Variants in CACNA1D observed in about 807,000 individuals in gnomAD.
The protein encoded by CACNA1D is voltage-dependent L-type calcium channel subunit alpha-1D.
Under a neutral mutation model 257.1 loss-of-function variants are expected in CACNA1D, and 55 were observed. The ratio of observed to expected loss-of-function variants is 0.21; its 90% CI spans 0.17 to 0.27. The LOEUF is 0.27. Ranked by LOEUF, CACNA1D falls within the 10% of genes least tolerant of loss-of-function variation. The pLI, the probability that CACNA1D is intolerant of heterozygous loss-of-function variation, is 1.00. For synonymous variants in CACNA1D, 980 were observed against 1,014.9 expected, an observed-to-expected ratio of 0.97 and a Z score of 0.65; for missense variants, 1,876 against 2,784.0, an observed-to-expected ratio of 0.67 and a Z score of 7.34.
chr3:53,760,442 A>G (rs1576585449), intron 29 of CACNA1D, among the ~76,000 whole-genome samples: 2 of 152,362 alleles, frequency 1.3e-5, no homozygotes, highest in East Asian at 3.9e-4. Flanking sequence ...CGTTGTAAAC[A>G]GGCTGGGCCC....
rs78555784 is a variant in CACNA1D, at chr3:53,681,427, T to C, written c.1220+8301T>C. Among the ~76,000 whole-genome samples the C allele has an allele frequency of 4.4e-3, 677 of 152,286 alleles. 41 individuals carry two copies. In the East Asian group the frequency reaches 0.12, roughly 26 times the overall value. Reference sequence around the variant, plus strand: ...AGAAGCAGAAAATCCTGCTGGATCCTTTTTTCTCCCTCTCTCTTAACTTCC... The same window carrying C: ...AGAAGCAGAAAATCCTGCTGGATCCCTTTTTCTCCCTCTCTCTTAACTTCC... On this transcript the variant is annotated intron_variant, in intron 8 of 47. Transcript: ENST00000350061.
intron 10 of CACNA1D, 22 bp downstream of exon 10, chr3:53,718,410 CCT>C: frequency 6.3e-7 from 1 of 1,598,300 alleles, no homozygotes; most frequent in Non-Finnish European, 8.6e-7. Context: ...GAGCACTTGC[CCT>C]CTTTCCCCTC....
intron 3 of CACNA1D, among the ~76,000 whole-genome samples, chr3:53,519,991 A>T (rs533635213): frequency 1.3e-5 from 2 of 152,116 alleles, no homozygotes; most frequent in African/African-American, 2.4e-5. Context: ...ATTCCTTTTT[A>T]TGGTAGAATA....
At chr3:53,745,949 A>T in intron 25 of CACNA1D, 74 bp downstream of exon 25, 1 of 1,194,466 alleles carries the variant, frequency 8.4e-7, no homozygotes, top group Middle Eastern at 1.9e-4. Context: ...ACATGTTGGC[A>T]CGTCAGAAGT....
At chr3:53,765,707 T>C (rs1171242430) in intron 30 of CACNA1D, 1 of 152,586 alleles carries the variant, frequency 6.6e-6, no homozygotes, top group Non-Finnish European at 1.5e-5. Context: ...ATGAATGATC[T>C]GGCTGAGAAA....
chr3:53,558,108 A>G (rs2107620621), intron 3 of CACNA1D, among the ~76,000 whole-genome samples: 1 of 152,352 alleles, frequency 6.6e-6, no homozygotes, highest in Non-Finnish European at 1.5e-5. Context: ...CGTTCTTCAT[A>G]TAAATCCCAC....
intron 3 of CACNA1D, among the ~76,000 whole-genome samples, chr3:53,513,994 A>G (rs2091225181): frequency 6.6e-6 from 1 of 152,198 alleles, no homozygotes; most frequent in Non-Finnish European, 1.5e-5. Context: ...TCACACAGTG[A>G]TGAAATTGCC....
At chr3:53,520,720 C>T (rs1431417244) in intron 3 of CACNA1D, among the ~76,000 whole-genome samples, 2 of 151,748 alleles carry the variant, frequency 1.3e-5, no homozygotes, top group African/African-American at 4.8e-5. Context: ...GAGCCTAGAT[C>T]ATGCCACTGC....
rs2095555692 is a variant in CACNA1D at position 53,805,135 on chromosome 3, C to T, written c.5738C>T (p.Pro1913Leu). 1 of 1,613,708 alleles carries T rather than the reference C, an allele frequency of 6.2e-7. No individual in the cohort carries two copies. The highest frequency in any genetic ancestry group is 1.3e-5 in the African/African-American group (1 of 74,910). The change falls in exon 45 of 48, where the codon CCC becomes CTC. Residue 1913 changes from proline to leucine, a missense_variant. Physicochemically the swap from Pro to Leu is moderately conservative, Grantham distance 98 (BLOSUM62 -3). Around this residue, in one of 10 missense-constraint regions of CACNA1D, gnomAD observed 491 missense variants for 554.3 expected, o/e 0.89. Transcript: ENST00000350061. ...RRSPRRRLLPPTPASHRRSSF... is the reference protein window; with the variant it reads ...RRSPRRRLLPLTPASHRRSSF... ...TCTCCAAGGAGACGCCTACTACCTCCCACCCCAGCATGTGAGGCCAGATTT... is the reference window on the plus strand; with the variant it reads ...TCTCCAAGGAGACGCCTACTACCTCTCACCCCAGCATGTGAGGCCAGATTT...
intron 7 of CACNA1D, among the ~76,000 whole-genome samples, chr3:53,670,091 T>C (rs1308556374): frequency 6.6e-6 from 1 of 152,222 alleles, no homozygotes; most frequent in Admixed American, 6.5e-5. Context: ...CTTTTCTCAG[T>C]GCACACTCCT....
chr3:53,772,868 G>C lies in CACNA1D; in HGVS notation c.4080G>C (p.Leu1360=). 6.2e-7 allele frequency: 1 copy of C among 1,613,944 alleles called. No individual in the cohort carries two copies. Among genetic ancestry groups the C allele is most frequent in the African/African-American group, 1.3e-5 (1 of 74,994 alleles). The change falls in exon 33 of 48, where the codon CTG becomes CTC. Residue 1360 remains leucine, a synonymous_variant. Transcript: ENST00000350061. ...ATGTGGCCCTCCTCATAGCCATGCTGTTCTTCATCTATGCGGTCATTGGCA... is the reference window on the plus strand; with the variant it reads ...ATGTGGCCCTCCTCATAGCCATGCTCTTCTTCATCTATGCGGTCATTGGCA... ...LPYVALLIAM[L]FFIYAVIGMQ... is the part of the protein sequence containing the mutation.
In CACNA1D at chr3:53,800,251, G is replaced by A. The variant is rs568306347; in HGVS notation, c.4926G>A (p.Ala1642=). The A allele has an allele frequency of 6.3e-5, 101 of 1,609,166 alleles. No homozygotes were observed. The Middle Eastern group carries it at 8.3e-4, about 13-fold the overall frequency. Residue 1642 remains alanine (A), a splice_region_variant and synonymous_variant, in exon 41 of 48, where the codon GCG becomes GCA. Coordinates refer to ENST00000350061, the MANE Select transcript of CACNA1D (RefSeq NM_001128840.3). The surrounding 1 kb of genome is among the most constrained non-coding windows in gnomAD (Gnocchi z 4.3). ...PAKNTTIALQ[A]GLRTLHDIGP... ...TTCTGCCATTTTCATTGATCTAGGC[G>A]GGATTAAGGACACTGCATGACATTG...
intron 40 of CACNA1D, chr3:53,795,976 C>G (rs2095505895): frequency 5.4e-6 from 1 of 186,048 alleles, no homozygotes; most frequent in Non-Finnish European, 1.1e-5. Context: ...ATATCTGACA[C>G]AAGGACCATT....
chr3:53,495,455 G>A lies in CACNA1D; in HGVS notation c.67+222G>A, dbSNP rs1188241455. 6.6e-6 allele frequency among the ~76,000 whole-genome samples: 1 copy of A among 152,190 alleles called. No individual in the cohort carries two copies. The highest frequency in any genetic ancestry group is 1.5e-5 in the Non-Finnish European group (1 of 68,026). The stretch of plus-strand genomic sequence containing the variant: ...AATTCTGCATTTGTGGGGTGGGGGC[G>A]GCCGTGGAGTGTGTGGAGCGCGGTG... On this transcript the variant is annotated intron_variant, in intron 1 of 47. Transcript: ENST00000350061. The surrounding 1 kb of genome is among the most constrained non-coding windows in gnomAD (Gnocchi z 5.1).
intron 3 of CACNA1D, among the ~76,000 whole-genome samples, chr3:53,635,227 A>C (rs935633416): frequency 6.6e-6 from 1 of 152,158 alleles, no homozygotes; most frequent in African/African-American, 2.4e-5. Context: ...GCTGGAGGAC[A>C]CATGTGACAC....
At chr3:53,600,705 A>G (rs2093430554) in intron 3 of CACNA1D, among the ~76,000 whole-genome samples, 1 of 152,236 alleles carries the variant, frequency 6.6e-6, no homozygotes, top group Non-Finnish European at 1.5e-5. Context: ...ATTGCATGGA[A>G]GGATACAAAG....
intron 3 of CACNA1D, among the ~76,000 whole-genome samples, chr3:53,628,167 A>G (rs3774487): frequency 0.13 from 19,577 of 152,188 alleles, 1,586 homozygotes; most frequent in African/African-American, 0.23. Context: ...ATCATAACCC[A>G]CACTACTATA....
intron 3 of CACNA1D, among the ~76,000 whole-genome samples, chr3:53,502,956 A>T (rs1037076942): frequency 8.5e-5 from 13 of 152,116 alleles, no homozygotes; most frequent in Admixed American, 8.5e-4. Flanking sequence ...GCAGGGCTGG[A>T]TGTTCCTAAC....
rs1575683068 is a variant in CACNA1D, at chr3:53,501,509, G to A, written c.378-106G>A. ...GTCAGCCGAAATAGGATTTGTGTAT[G>A]TCATTTTCCTTTTAAAAGTGCTTTG... On this transcript the variant is annotated intron_variant, in intron 2 of 47. Transcript: ENST00000350061. 8 of 704,848 alleles carry A rather than the reference G, an allele frequency of 1.1e-5. No homozygotes were observed. In the East Asian group the frequency reaches 2.1e-4, roughly 19 times the overall value. The allele number at this position is 704,848 out of a possible 1,614,324, so 43.7% of individuals were successfully genotyped here.
Sources: allele counts gnomAD v4.1 joint callset (sites outside exome capture counted in the v4.1 genomes callset), GRCh38; gene constraint gnomAD v4.1.1; regional missense constraint gnomAD v4.1.1; non-coding constraint Gnocchi (gnomAD v3.1); transcripts MANE v1.5; gene names NCBI Gene and HGNC (gene_info 2026-07-23, HGNC 2026-07-21).